CAV1: variants seen among roughly 807,000 people sequenced by gnomAD.
CAV1 encodes the protein caveolin 1.
A neutral mutation model predicts 16.5 loss-of-function variants in CAV1; 10 were observed. The ratio of observed to expected loss-of-function variants is 0.61; its 90% CI spans 0.37 to 1.03. CAV1 has a LOEUF of 1.03. CAV1 is among the 50% of genes least tolerant of loss of function. The pLI, the probability that CAV1 is intolerant of heterozygous loss-of-function variation, is 0.01. For synonymous variants in CAV1, 76 were observed against 85.1 expected (o/e 0.89, Z 0.59); for missense variants, 212 against 232.8 (o/e 0.91, Z 0.58).
chr7:116,536,125 T>TA (rs1226163181), intron 2 of CAV1, among the ~76,000 whole-genome samples: 1 of 151,960 alleles, frequency 6.6e-6, no homozygotes, highest in Non-Finnish European at 1.5e-5. Context: ...TTGCAATGAC[T>TA]AAAAAAAGAA....
rs374131879 is a variant in CAV1, at chr7:116,540,902, T to C, written c.195+14213T>C. On this transcript the variant is annotated intron_variant, in intron 2 of 2. Transcript: ENST00000341049. ...CAAGATGCCTGGTGAGTATAATGGA[T>C]ATGGAAACCCCCCTTGTAATAATTC... Among the ~76,000 whole-genome samples the C allele has an allele frequency of 2.0e-4, 31 of 152,256 alleles. No homozygotes were observed. The South Asian group carries it at 3.9e-3, about 19-fold the overall frequency.
intron 2 of CAV1, among the ~76,000 whole-genome samples, chr7:116,557,767 T>G (rs893317549): frequency 1.2e-4 from 19 of 152,078 alleles, no homozygotes; most frequent in Non-Finnish European, 2.9e-5. Flanking sequence ...CAAACTTGAG[T>G]GACAGCAACA....
chr7:116,525,580 G>C (rs1359245483), intron 1 of CAV1: 5 of 1,189,220 alleles, frequency 4.2e-6, no homozygotes, highest in Non-Finnish European at 5.3e-6. Context: ...ACTTTCCAAA[G>C]TTCTTGAACC....
intron 2 of CAV1, among the ~76,000 whole-genome samples, chr7:116,528,271 T>C (rs1382323616): frequency 1.3e-5 from 2 of 151,876 alleles, no homozygotes; most frequent in African/African-American, 2.4e-5. Context: ...TCTCCACACA[T>C]AGCATGACTA....
intron 2 of CAV1, among the ~76,000 whole-genome samples, chr7:116,527,280 C>T (rs530516283): frequency 9.2e-5 from 14 of 152,334 alleles, no homozygotes; most frequent in African/African-American, 3.1e-4. Context: ...ACTAGACTAA[C>T]AAGTCACTTG....
chr7:116,543,223 G>C (rs1286953252), intron 2 of CAV1, among the ~76,000 whole-genome samples: 1 of 152,164 alleles, frequency 6.6e-6, no homozygotes, highest in East Asian at 1.9e-4. Context: ...TAGTTGACCA[G>C]TATTCATACA....
chr7:116,540,133 T>G (rs145110209), intron 2 of CAV1, among the ~76,000 whole-genome samples: 26 of 152,360 alleles, frequency 1.7e-4, no homozygotes, highest in African/African-American at 6.0e-4. Flanking sequence ...TTTTGTGTGC[T>G]GGGAGGTGAT....
chr7:116,535,405 A>G (rs752673026), intron 2 of CAV1, among the ~76,000 whole-genome samples: 3 of 152,086 alleles, frequency 2.0e-5, no homozygotes, highest in Non-Finnish European at 4.4e-5. Context: ...GTTCCAATCT[A>G]CTCATCCCTC....
chr7:116,529,515 C>T (rs1793640205), intron 2 of CAV1, among the ~76,000 whole-genome samples: 1 of 152,110 alleles, frequency 6.6e-6, no homozygotes, highest in Non-Finnish European at 1.5e-5. Context: ...TTGGACAGTG[C>T]CAGATTAGGG....
At chr7:116,529,437 T>A (rs1170686439) in intron 2 of CAV1, among the ~76,000 whole-genome samples, 1 of 152,218 alleles carries the variant, frequency 6.6e-6, no homozygotes, top group African/African-American at 2.4e-5. Flanking sequence ...CTAGCCACGT[T>A]GTGAGTGTGC....
intron 2 of CAV1, among the ~76,000 whole-genome samples, chr7:116,552,789 C>T (rs948336562): frequency 6.6e-6 from 1 of 152,208 alleles, no homozygotes; most frequent in Non-Finnish European, 1.5e-5. Context: ...TTGGCCAGAA[C>T]TGAGTCACAT....
intron 2 of CAV1, among the ~76,000 whole-genome samples, chr7:116,540,583 C>T (rs1793914795): frequency 6.6e-6 from 1 of 152,136 alleles, no homozygotes; most frequent in South Asian, 2.1e-4. Context: ...AGTCATAGCA[C>T]ACTTAATATT....
At chr7:116,541,568 T>A (rs1793936381) in intron 2 of CAV1, among the ~76,000 whole-genome samples, 1 of 152,044 alleles carries the variant, frequency 6.6e-6, no homozygotes, top group South Asian at 2.1e-4. Context: ...CTGGACAACA[T>A]GGTGAAACCT....
intron 2 of CAV1, among the ~76,000 whole-genome samples, chr7:116,546,300 A>G (rs1794044026): frequency 6.6e-6 from 1 of 152,184 alleles, no homozygotes; most frequent in Non-Finnish European, 1.5e-5. Flanking sequence ...ACGTGAGGCC[A>G]TGTGGACGCG....
intron 2 of CAV1, among the ~76,000 whole-genome samples, chr7:116,546,532 A>AT (rs1794049799): frequency 7.0e-6 from 1 of 143,436 alleles, no homozygotes; most frequent in Non-Finnish European, 1.5e-5. Flanking sequence ...TCTACTAAAA[A>AT]TAAAAAAAAA....
rs190869026 is a variant in CAV1, at chr7:116,559,853, T to C, written c.*566T>C. Reference sequence around the variant, plus strand: ...GAAAACATAATCTTCTGCCTTCTCATGATCCAACTAATGCCTTACTCTTCT... The same window carrying C: ...GAAAACATAATCTTCTGCCTTCTCACGATCCAACTAATGCCTTACTCTTCT... On this transcript the variant is annotated 3_prime_UTR_variant, in exon 3 of 3. Coordinates refer to ENST00000341049, the MANE Select transcript of CAV1 (RefSeq NM_001753.5). The C allele has an allele frequency of 1.1e-3, 431 of 401,708 alleles. 1 individual carries two copies. Among genetic ancestry groups the C allele is most frequent in the Middle Eastern group, 6.3e-3 (10 of 1,584 alleles). 24.9% of individuals were successfully genotyped at this position (401,708 alleles called of 1,614,324 possible). A position where few individuals can be genotyped will look rare whatever the true frequency, so the allele number is the denominator to read the frequency against.
chr7:116,535,708 C>T (rs1562830619), intron 2 of CAV1, among the ~76,000 whole-genome samples: 1 of 152,160 alleles, frequency 6.6e-6, no homozygotes, highest in Admixed American at 6.5e-5. Flanking sequence ...TCCTGCCTTT[C>T]ATGGGAACTA....
chr7:116,550,113 C>T (rs1199443608), intron 2 of CAV1, among the ~76,000 whole-genome samples: 1 of 152,138 alleles, frequency 6.6e-6, no homozygotes, highest in African/African-American at 2.4e-5. Context: ...AGAGGGAGGT[C>T]ATTTCAGAGA....
At chr7:116,558,387 A>G (rs1794333926) in intron 2 of CAV1, among the ~76,000 whole-genome samples, 1 of 152,138 alleles carries the variant, frequency 6.6e-6, no homozygotes, top group African/African-American at 2.4e-5. Context: ...AGAAACACCT[A>G]GAGAACATGT....
Sources: gnomAD v4.1 joint callset for allele counts (sites outside exome capture counted in the v4.1 genomes callset) on GRCh38, gnomAD v4.1.1 for gene constraint, MANE v1.5 for transcripts, NCBI Gene and HGNC (gene_info 2026-07-23, HGNC 2026-07-21) for gene names.